ANTXR1: variants seen among roughly 807,000 people sequenced by gnomAD.
The protein encoded by ANTXR1 is ANTXR cell adhesion molecule 1.
In ANTXR1, 19 loss-of-function variants were observed where a neutral mutation model predicts 78.1. That is an observed-to-expected ratio of 0.24 (90% CI 0.17 to 0.36). The LOEUF is 0.36. Among genes scored for constraint, ANTXR1 ranks in the 10% least tolerant of loss-of-function variants. The probability of loss-of-function intolerance (pLI) is 1.00; values close to 1 mark genes in which losing one functional copy is unlikely to be tolerated. For missense variants in ANTXR1, 518 were observed against 718.6 expected (o/e 0.72, Z 3.19); for synonymous variants, 273 against 260.5 (o/e 1.05, Z -0.46).
At chr2:69,129,301 T>C (rs1180286882) in intron 12 of ANTXR1, among the ~76,000 whole-genome samples, 5 of 152,210 alleles carry the variant, frequency 3.3e-5, no homozygotes, top group Non-Finnish European at 7.3e-5. Context: ...TGAAGATTGT[T>C]TTCTTTTAGG....
intron 17 of ANTXR1, among the ~76,000 whole-genome samples, chr2:69,213,896 C>G (rs1489029418): frequency 6.6e-6 from 1 of 152,236 alleles, no homozygotes; most frequent in African/African-American, 2.4e-5. Context: ...CCCCCATTGC[C>G]AGCAGCCTTG....
At chr2:69,069,338 G>C (rs142494548) in intron 3 of ANTXR1, among the ~76,000 whole-genome samples, 1 of 152,292 alleles carries the variant, frequency 6.6e-6, no homozygotes, top group Non-Finnish European at 1.5e-5. Context: ...GGTAAGTTCT[G>C]TAACCTCTCT....
At chr2:69,243,664 C>T (rs1005554394) in intron 17 of ANTXR1, among the ~76,000 whole-genome samples, 1 of 152,158 alleles carries the variant, frequency 6.6e-6, no homozygotes. Context: ...CCCCAAATTC[C>T]ACACCTCACC....
At chr2:69,041,240 G>C (rs1669607872) in intron 2 of ANTXR1, among the ~76,000 whole-genome samples, 1 of 152,194 alleles carries the variant, frequency 6.6e-6, no homozygotes, top group African/African-American at 2.4e-5. Flanking sequence ...AAAGGAACGA[G>C]ACTTCCCAGC....
At chr2:69,217,103 G>A (rs1292423433) in intron 17 of ANTXR1, among the ~76,000 whole-genome samples, 1 of 152,160 alleles carries the variant, frequency 6.6e-6, no homozygotes, top group Admixed American at 6.5e-5. Context: ...GGCACAATTC[G>A]CTTTCGGCAA....
intron 3 of ANTXR1, among the ~76,000 whole-genome samples, chr2:69,054,294 T>G (rs1670008646): frequency 6.6e-6 from 1 of 152,112 alleles, no homozygotes; most frequent in Non-Finnish European, 1.5e-5. Flanking sequence ...TACTGTAGGA[T>G]TTCCCATGAT....
Position 69,246,421 on chromosome 2 carries a change from TC to T in ANTXR1, c.*939del, listed in dbSNP as rs1196985112. On this transcript the variant is annotated 3_prime_UTR_variant, in exon 18 of 18. Transcript: ENST00000303714. ...TCCAGAGATAAACATAAGTTGATCTTCCCAAAATACCATCATTAGGACCTAT... is the reference window on the plus strand; with the variant it reads ...TCCAGAGATAAACATAAGTTGATCTTCCAAAATACCATCATTAGGACCTAT... The T allele has an allele frequency of 6.6e-6, 1 of 152,236 alleles. No homozygotes were observed. The highest frequency in any genetic ancestry group is 1.9e-4 in the East Asian group (1 of 5,202). 9.4% of individuals were successfully genotyped at this position (152,236 alleles called of 1,614,324 possible).
intron 3 of ANTXR1, among the ~76,000 whole-genome samples, chr2:69,054,105 A>G (rs754216523): frequency 3.3e-5 from 5 of 152,122 alleles, no homozygotes; most frequent in Non-Finnish European, 7.4e-5. Flanking sequence ...ATCTATAATC[A>G]GAGGAAATAG....
intron 17 of ANTXR1, among the ~76,000 whole-genome samples, chr2:69,219,274 T>C (rs1259978494): frequency 6.6e-6 from 1 of 152,088 alleles, no homozygotes; most frequent in Non-Finnish European, 1.5e-5. Flanking sequence ...GGCTTCTGTG[T>C]GCGTAGTCAT....
At chr2:69,204,477 C>T (rs934820190) in intron 17 of ANTXR1, among the ~76,000 whole-genome samples, 1 of 152,150 alleles carries the variant, frequency 6.6e-6, no homozygotes, top group Non-Finnish European at 1.5e-5. Context: ...TGGAGAGATT[C>T]CCGAGCCCTC....
intron 12 of ANTXR1, among the ~76,000 whole-genome samples, chr2:69,136,374 A>G (rs1205912047): frequency 6.6e-6 from 1 of 152,228 alleles, no homozygotes; most frequent in Non-Finnish European, 1.5e-5. Context: ...TAAAAAAAGC[A>G]GTCATGTACT....
chr2:69,044,725 C>A lies in ANTXR1; in HGVS notation c.225-17C>A. 6.2e-7 allele frequency: 1 copy of A among 1,613,474 alleles called. No homozygotes were observed. Among genetic ancestry groups the A allele is most frequent in the Non-Finnish European group, 8.5e-7 (1 of 1,179,474 alleles). ...AGTCTTATTGTCTGTCCTAATAGAGCTTCTTTTCCTTTCCAGCCCACAGTT... is the reference window on the plus strand; with the variant it reads ...AGTCTTATTGTCTGTCCTAATAGAGATTCTTTTCCTTTCCAGCCCACAGTT... On this transcript the variant is annotated splice_polypyrimidine_tract_variant and intron_variant, in intron 2 of 17. Transcript: ENST00000303714.
chr2:69,157,880 C>T (rs1385599637), intron 13 of ANTXR1, among the ~76,000 whole-genome samples: 1 of 152,236 alleles, frequency 6.6e-6, no homozygotes, highest in Admixed American at 6.5e-5. Context: ...AGCCTACTCA[C>T]TACCCTGCCT....
intron 3 of ANTXR1, among the ~76,000 whole-genome samples, chr2:69,053,922 TG>T (rs1669999624): frequency 1.3e-5 from 2 of 152,192 alleles, no homozygotes; most frequent in South Asian, 4.1e-4. Flanking sequence ...CAGTACATAC[TG>T]CCTCTGCATG....
At chr2:69,015,272 CAA>C (rs10536364) in intron 1 of ANTXR1, among the ~76,000 whole-genome samples, 10,085 of 91,744 alleles carry the variant, frequency 0.11, 984 homozygotes, top group African/African-American at 0.29. Flanking sequence ...CTTATCTTAG[CAA>C]AAAAAAAAAA....
intron 1 of ANTXR1, among the ~76,000 whole-genome samples, chr2:69,016,756 T>C (rs2103978896): frequency 6.6e-6 from 1 of 152,370 alleles, no homozygotes; most frequent in South Asian, 2.1e-4. Context: ...ATGTTTTTCT[T>C]AATTTTTCTG....
At chr2:69,096,257 A>G (rs937329979) in intron 9 of ANTXR1, among the ~76,000 whole-genome samples, 8 of 50,196 alleles carry the variant, frequency 1.6e-4, no homozygotes, top group African/African-American at 7.8e-4. Context: ...GACTCCGTCA[A>G]AAGGAAGGAA....
intron 17 of ANTXR1, among the ~76,000 whole-genome samples, chr2:69,222,336 T>G (rs558745359): frequency 2.0e-5 from 3 of 152,134 alleles, no homozygotes; most frequent in Non-Finnish European, 4.4e-5. Flanking sequence ...TTTGAACCTT[T>G]AAAAGTGAAA....
chr2:69,047,639 T>TG (rs1055600936), intron 3 of ANTXR1, among the ~76,000 whole-genome samples: 60 of 151,750 alleles, frequency 4.0e-4, no homozygotes, highest in Admixed American at 5.9e-4. Context: ...CTACTTGAGT[T>TG]GGGGGGGGAA....
Sources: allele counts gnomAD v4.1 joint callset (sites outside exome capture counted in the v4.1 genomes callset), GRCh38; gene constraint gnomAD v4.1.1; transcripts MANE v1.5; gene names NCBI Gene and HGNC (gene_info 2026-07-23, HGNC 2026-07-21).